The following SP140 variants were observed in gnomAD, a reference collection of about 807,000 sequenced individuals.
SP140 encodes SP140 nuclear body protein, also known as nuclear body protein SP140.
Under a neutral mutation model 125.0 loss-of-function variants are expected in SP140, and 81 were observed. That is an observed-to-expected ratio of 0.65 (90% CI 0.54 to 0.78). SP140 has a LOEUF of 0.78. Among genes scored for constraint, SP140 ranks in the 30% least tolerant of loss-of-function variants. SP140 has a pLI of 0.00. For synonymous variants in SP140, 312 were observed against 354.0 expected, an observed-to-expected ratio of 0.88 and a Z score of 1.33; for missense variants, 858 against 1,037.0, an observed-to-expected ratio of 0.83 and a Z score of 2.37.
At chr2:230,219,806 C>G in intron 3 of SP140, 1 of 547,618 alleles carries the variant, frequency 1.8e-6, no homozygotes, top group African/African-American at 2.1e-5. Context: ...CAGCTGCTGC[C>G]GCGAAGTTAA....
At chr2:230,219,677 G>A (rs996845694) in intron 3 of SP140, 1 of 152,998 alleles carries the variant, frequency 6.5e-6, no homozygotes, top group Non-Finnish European at 1.5e-5. Context: ...CTGGACTCTG[G>A]CGAAAAAAAG....
intron 1 of SP140, chr2:230,212,622 T>C (rs2044619912): frequency 1.6e-6 from 2 of 1,243,366 alleles, no homozygotes; most frequent in African/African-American, 1.5e-5. Flanking sequence ...TAATCCCTCT[T>C]GAAAAGGGTT....
At chr2:230,268,483 C>T (rs1392239660) in intron 12 of SP140, among the ~76,000 whole-genome samples, 4 of 149,734 alleles carry the variant, frequency 2.7e-5, no homozygotes, top group African/African-American at 9.9e-5. Context: ...CGAGATTACG[C>T]GGTTGCACTC....
At chr2:230,219,936 G>A in intron 3 of SP140, 1 of 985,618 alleles carries the variant, frequency 1.0e-6, no homozygotes, top group Non-Finnish European at 1.2e-6. Flanking sequence ...CACTCCTCAA[G>A]ATTGGGAGAG....
intron 22 of SP140, among the ~76,000 whole-genome samples, chr2:230,309,579 A>G (rs985921826): frequency 3.9e-5 from 6 of 152,356 alleles, no homozygotes; most frequent in Non-Finnish European, 8.8e-5. Context: ...AGGCAAATTG[A>G]TTTAACACTT....
chr2:230,191,490 G>A, the SP140 span, among the ~76,000 whole-genome samples: 11,667 of 152,150 alleles, frequency 0.077, 983 homozygotes, highest in East Asian at 0.39. Flanking sequence ...TACCATCAGA[G>A]AATACTATAA....
Position 230,310,637 on chromosome 2 carries a change from A to G in SP140, c.2175-106A>G, listed in dbSNP as rs538104584. The G allele has an allele frequency of 2.6e-5, 41 of 1,564,534 alleles. No individual in the cohort carries two copies. The African/African-American group carries it at 3.9e-4, about 15-fold the overall frequency. On this transcript the variant is annotated intron_variant, in intron 23 of 26. Transcript: ENST00000392045. ...TTTGGGAGGTGTTCCCCTCCCTCCC[A>G]TGACTGAGCCCATCAGCCATTCCTG...
At chr2:230,219,599 C>G (rs778010812) in intron 3 of SP140, 3 of 152,292 alleles carry the variant, frequency 2.0e-5, no homozygotes, top group Middle Eastern at 3.4e-3. Context: ...CCGCCTATTG[C>G]GGGCACTGAA....
At chr2:230,304,778 A>T (rs936544150) in intron 22 of SP140, among the ~76,000 whole-genome samples, 1 of 152,266 alleles carries the variant, frequency 6.6e-6, no homozygotes, top group Non-Finnish European at 1.5e-5. Context: ...TCAAAGACTT[A>T]AATCTAAGAC....
intron 19 of SP140, 93 bp downstream of exon 19, chr2:230,290,657 A>G: frequency 8.9e-7 from 1 of 1,125,090 alleles, no homozygotes; most frequent in East Asian, 2.5e-5. Context: ...TCATTCAAGG[A>G]GTTTGGTCCC....
chr2:230,307,179 C>T (rs994533876), intron 22 of SP140, among the ~76,000 whole-genome samples: 2 of 152,196 alleles, frequency 1.3e-5, no homozygotes, highest in African/African-American at 4.8e-5. Flanking sequence ...GCTGAACACT[C>T]GTCAGGACAC....
intron 3 of SP140, chr2:230,239,216 T>A (rs1178203638): frequency 3.4e-6 from 1 of 291,570 alleles, no homozygotes; most frequent in South Asian, 6.9e-5. Context: ...ATACTGTGCA[T>A]GCCTCCTTTG....
intron 15 of SP140, among the ~76,000 whole-genome samples, chr2:230,272,841 G>A (rs532477950): frequency 1.3e-5 from 2 of 152,106 alleles, no homozygotes; most frequent in South Asian, 2.1e-4. Flanking sequence ...CAAGCAATGG[G>A]AAAAGGATTC....
chr2:230,217,327 G>T (rs905982507), intron 3 of SP140, among the ~76,000 whole-genome samples: 1 of 151,744 alleles, frequency 6.6e-6, no homozygotes, highest in South Asian at 2.1e-4. Flanking sequence ...CAGATCTAAA[G>T]GTAAGCATTC....
At chr2:230,310,954 C>T (rs2059280560) in intron 24 of SP140, 103 bp downstream of exon 24, 7 of 730,002 alleles carry the variant, frequency 9.6e-6, no homozygotes, top group South Asian at 7.7e-5. Flanking sequence ...CCTGCTCTTC[C>T]GCGCCACACT....
At chr2:230,186,189 T>C in the SP140 span, 1 of 1,599,132 alleles carries the variant, frequency 6.3e-7, no homozygotes, top group Non-Finnish European at 8.6e-7. Context: ...TCCCTTCTCA[T>C]GTTCCCAGCC....
chr2:230,199,316 C>T (rs913370557), upstream of SP140, among the ~76,000 whole-genome samples: 3 of 144,642 alleles, frequency 2.1e-5, no homozygotes, highest in Non-Finnish European at 4.5e-5. Context: ...TCAAGCGATT[C>T]TCCTTCCTCA....
At chr2:230,284,889 G>A (rs2056150172) in intron 16 of SP140, among the ~76,000 whole-genome samples, 1 of 151,976 alleles carries the variant, frequency 6.6e-6, no homozygotes, top group South Asian at 2.1e-4. Context: ...AAAATAGATG[G>A]CAGTTCATTC....
At chr2:230,271,748 AATTCCC>A (rs1326705411) in intron 15 of SP140, among the ~76,000 whole-genome samples, 2 of 152,178 alleles carry the variant, frequency 1.3e-5, no homozygotes, top group Non-Finnish European at 2.9e-5. Context: ...TGATTTAGAA[AATTCCC>A]AGCCTATCCA....
Sources: allele counts gnomAD v4.1 joint callset (sites outside exome capture counted in the v4.1 genomes callset), GRCh38; gene constraint gnomAD v4.1.1; transcripts MANE v1.5; gene names NCBI Gene and HGNC (gene_info 2026-07-23, HGNC 2026-07-21).